Variants in CEP43 observed in about 807,000 individuals in gnomAD.
The protein encoded by CEP43 is FGFR1 oncogene partner.
A neutral mutation model predicts 52.6 loss-of-function variants in CEP43; 36 were observed. That is an observed-to-expected ratio of 0.68 (90% CI 0.52 to 0.90). The LOEUF (loss-of-function observed/expected upper bound fraction) is 0.90, where lower values mean the gene tolerates loss of function less well. Among genes scored for constraint, CEP43 ranks in the 40% least tolerant of loss-of-function variants. The probability of loss-of-function intolerance (pLI) is 0.00; values close to 1 mark genes in which losing one functional copy is unlikely to be tolerated. For missense variants in CEP43, 506 were observed against 472.8 expected, an observed-to-expected ratio of 1.07 and a Z score of -0.65; for synonymous variants, 192 against 172.4, an observed-to-expected ratio of 1.11 and a Z score of -0.89.
intron 5 of CEP43, among the ~76,000 whole-genome samples, chr6:167,009,328 A>G (rs1779926815): frequency 6.6e-6 from 1 of 151,556 alleles, no homozygotes; most frequent in African/African-American, 2.4e-5. Flanking sequence ...TGGCCAACAT[A>G]GTGAAACCCT....
Position 167,003,796 on chromosome 6 carries a change from A to T in CEP43, c.285A>T (p.Gln95His). Residue 95 changes from glutamine to histidine, a missense_variant, in exon 4 of 13, where the codon CAA becomes CAT. Transcript: ENST00000366847. ...TTGACTTTACTTTGGCTGTTTTTCA[A>T]CCTGAAACTAGCACAGTAAGAATAA... is the stretch of plus-strand genomic sequence containing the variant. Reference protein sequence around the residue: ...FNLDFTLAVFQPETSTLQGLE... With the variant: ...FNLDFTLAVFHPETSTLQGLE... 1.2e-6 allele frequency: 2 copies of T among 1,601,452 alleles called. No individual in the cohort carries two copies. The highest frequency in any genetic ancestry group is 1.7e-6 in the Non-Finnish European group (2 of 1,169,264).
chr6:167,017,013 TGA>T (rs1780116862), intron 7 of CEP43, among the ~76,000 whole-genome samples: 2 of 150,820 alleles, frequency 1.3e-5, no homozygotes, highest in South Asian at 4.1e-4. Context: ...TTTATTTTTT[TGA>T]GATGGAGTCT....
At position 167,047,654 on chromosome 6, in the gene CEP43, GTC is replaced by G. The variant is rs1163920140; in HGVS notation, c.*7678_*7679del. On this transcript the variant is annotated 3_prime_UTR_variant, in exon 13 of 13. Coordinates refer to ENST00000366847, the MANE Select transcript of CEP43 (RefSeq NM_007045.4). ...GATGATTGTTCAGTTTCTGATGAAT[GTC>G]TGTTCCCCTTTCAAAACCTAATTCA... The G allele has an allele frequency of 1.3e-5, 2 of 152,306 alleles. No homozygotes were observed. The highest frequency in any genetic ancestry group is 1.5e-5 in the Non-Finnish European group (1 of 68,014). 9.4% of individuals were successfully genotyped at this position (152,306 alleles called of 1,614,324 possible).
At chr6:167,006,313 G>C (rs1779852638) in intron 5 of CEP43, among the ~76,000 whole-genome samples, 1 of 152,118 alleles carries the variant, frequency 6.6e-6, no homozygotes, top group Non-Finnish European at 1.5e-5. Context: ...TCAAGAGATG[G>C]AGACCATCCT....
rs929430431 is a variant in CEP43 at position 167,021,240 on chromosome 6, A to G, written c.580-1169A>G. Reference sequence around the variant, plus strand: ...GGAAATTGCCATTTTTAACCCATAAAGCCCACAAATTCATTATAATTTAGC... The same window carrying G: ...GGAAATTGCCATTTTTAACCCATAAGGCCCACAAATTCATTATAATTTAGC... On this transcript the variant is annotated intron_variant, in intron 7 of 12. Transcript: ENST00000366847. Among the ~76,000 whole-genome samples, 3 of 152,204 alleles carry G rather than the reference A, an allele frequency of 2.0e-5. No individual in the cohort carries two copies. In the South Asian group the frequency reaches 6.2e-4, roughly 32 times the overall value.
chr6:167,041,156 C>A lies in CEP43; in HGVS notation c.*1178C>A. On this transcript the variant is annotated 3_prime_UTR_variant, in exon 13 of 13. Transcript: ENST00000366847. ...TTATTAGTAAAAGGAGCAAATTAGA[C>A]CTAATTCATTGATCTCGGTTAAGTG... is the stretch of plus-strand genomic sequence containing the variant. 2 of 1,044,836 alleles carry A rather than the reference C, an allele frequency of 1.9e-6. No individual in the cohort carries two copies. Among genetic ancestry groups the A allele is most frequent in the South Asian group, 9.2e-5 (2 of 21,790 alleles). The allele number at this position is 1,044,836 out of a possible 1,614,324, so 64.7% of individuals were successfully genotyped here. A position where few individuals can be genotyped will look rare whatever the true frequency, so the allele number is the denominator to read the frequency against.
intron 8 of CEP43, among the ~76,000 whole-genome samples, chr6:167,024,271 A>T (rs1403585796): frequency 6.6e-6 from 1 of 152,156 alleles, no homozygotes; most frequent in Non-Finnish European, 1.5e-5. Flanking sequence ...GAAAGCATGA[A>T]ATCTTTCTAT....
chr6:167,004,249 T>G lies in CEP43; in HGVS notation c.301-15T>G, dbSNP rs750672272. The G allele has an allele frequency of 6.3e-7, 1 of 1,589,144 alleles. No individual in the cohort carries two copies. The highest frequency in any genetic ancestry group is 1.2e-5 in the South Asian group (1 of 86,178). On this transcript the variant is annotated splice_polypyrimidine_tract_variant and intron_variant, in intron 4 of 12. Transcript: ENST00000366847. ...GCTATTTTTTTGTGCACTTGTATTT[T>G]AACTTCTTTTCTAGCTGCAAGGTCT...
At chr6:167,018,603 ATGGTTTCGGATCTCC>A (rs1363350917) in intron 7 of CEP43, among the ~76,000 whole-genome samples, 1 of 152,078 alleles carries the variant, frequency 6.6e-6, no homozygotes, top group African/African-American at 2.4e-5. Flanking sequence ...GTTGGCCAGG[ATGGTTTCGGATCTCC>A]TGACCTCATG....
intron 7 of CEP43, among the ~76,000 whole-genome samples, chr6:167,020,657 C>T (rs1302094457): frequency 6.6e-6 from 1 of 152,102 alleles, no homozygotes; most frequent in Non-Finnish European, 1.5e-5. Context: ...GCCTGTAATC[C>T]CAGCACTTTG....
At position 167,006,206 on chromosome 6, in the gene CEP43, A is replaced by G. The variant is rs560772602; in HGVS notation, c.438+1805A>G. ...ACTGTAGTAGGCATCAGTGGATTCAATTAACTGCGAATTGAAAATATTCGG... is the reference window on the plus strand; with the variant it reads ...ACTGTAGTAGGCATCAGTGGATTCAGTTAACTGCGAATTGAAAATATTCGG... On this transcript the variant is annotated intron_variant, in intron 5 of 12. Transcript: ENST00000366847. 7.2e-5 allele frequency among the ~76,000 whole-genome samples: 11 copies of G among 152,316 alleles called. No homozygotes were observed. In the East Asian group the frequency reaches 1.9e-3, roughly 27 times the overall value.
intron 7 of CEP43, among the ~76,000 whole-genome samples, chr6:167,020,639 C>T (rs958872689): frequency 2.6e-5 from 4 of 152,098 alleles, no homozygotes; most frequent in African/African-American, 4.8e-5. Context: ...TGGTGGCTCA[C>T]GGCTCACGCC....
intron 12 of CEP43, among the ~76,000 whole-genome samples, chr6:167,039,103 A>G (rs1780639658): frequency 6.6e-6 from 1 of 151,390 alleles, no homozygotes; most frequent in Non-Finnish European, 1.5e-5. Flanking sequence ...CTCCAGTTCC[A>G]TCCAGGTTGC....
At chr6:167,035,252 C>T (rs550672415) in intron 12 of CEP43, among the ~76,000 whole-genome samples, 1 of 152,338 alleles carries the variant, frequency 6.6e-6, no homozygotes, top group Admixed American at 6.5e-5. Flanking sequence ...TTGACAGTCA[C>T]TGTACTTCAT....
chr6:167,012,810 G>A (rs1176343256), intron 6 of CEP43, among the ~76,000 whole-genome samples: 1 of 152,182 alleles, frequency 6.6e-6, no homozygotes, highest in Non-Finnish European at 1.5e-5. Flanking sequence ...GGCTGCTTTA[G>A]AGAATAGCGT....
chr6:167,021,403 G>A (rs1201946065), intron 7 of CEP43, among the ~76,000 whole-genome samples: 1 of 152,160 alleles, frequency 6.6e-6, no homozygotes, highest in Non-Finnish European at 1.5e-5. Context: ...TCCACAGATA[G>A]AAAGCCATCT....
At chr6:167,001,032 T>C (rs901470151) in intron 2 of CEP43, among the ~76,000 whole-genome samples, 1 of 152,236 alleles carries the variant, frequency 6.6e-6, no homozygotes, top group Non-Finnish European at 1.5e-5. Flanking sequence ...ACCCTAGCTG[T>C]GCAGTAGCCT....
At chr6:167,002,734 A>G (rs748741323) in intron 2 of CEP43, among the ~76,000 whole-genome samples, 1 of 152,262 alleles carries the variant, frequency 6.6e-6, no homozygotes, top group Non-Finnish European at 1.5e-5. Context: ...AAATAAATGT[A>G]TAATTACAAA....
At chr6:167,002,278 TCAA>T (rs1779754883) in intron 2 of CEP43, among the ~76,000 whole-genome samples, 1 of 152,184 alleles carries the variant, frequency 6.6e-6, no homozygotes, top group Non-Finnish European at 1.5e-5. Context: ...GTCTGTTTCT[TCAA>T]CATAATGCAT....
Sources: allele counts gnomAD v4.1 joint callset (sites outside exome capture counted in the v4.1 genomes callset), GRCh38; gene constraint gnomAD v4.1.1; transcripts MANE v1.5; gene names NCBI Gene and HGNC (gene_info 2026-07-23, HGNC 2026-07-21).